Variants in TTC28 observed in about 807,000 individuals in gnomAD.
TTC28 encodes the protein tetratricopeptide repeat domain 28.
In TTC28, 61 loss-of-function variants were observed where a neutral mutation model predicts 198.0. That is an observed-to-expected ratio of 0.31 (90% CI 0.25 to 0.38). The LOEUF (loss-of-function observed/expected upper bound fraction) is 0.38, where lower values mean the gene tolerates loss of function less well. Ranked by LOEUF, TTC28 falls within the 10% of genes least tolerant of loss-of-function variation. The probability of loss-of-function intolerance (pLI) is 1.00; values close to 1 mark genes in which losing one functional copy is unlikely to be tolerated. For synonymous variants in TTC28, 1,171 were observed against 1,297.8 expected (o/e 0.90, Z 2.10); for missense variants, 2,678 against 3,164.0 (o/e 0.85, Z 3.69).
chr22:28,306,198 T>C (rs2045141738), intron 3 of TTC28, among the ~76,000 whole-genome samples: 1 of 152,156 alleles, frequency 6.6e-6, no homozygotes, highest in Admixed American at 6.6e-5. Flanking sequence ...GGTTTTTAAA[T>C]AATCCCGAAA....
intron 12 of TTC28, among the ~76,000 whole-genome samples, chr22:28,057,315 T>A (rs1225255768): frequency 6.6e-6 from 1 of 152,192 alleles, no homozygotes; most frequent in Non-Finnish European, 1.5e-5. Context: ...TTTTTAAAAT[T>A]TCATCCTTTC....
intron 2 of TTC28, among the ~76,000 whole-genome samples, chr22:28,338,371 A>G (rs2045768232): frequency 6.6e-6 from 1 of 152,036 alleles, no homozygotes; most frequent in South Asian, 2.1e-4. Context: ...TATTTCCTGA[A>G]TTTGAATATT....
intron 2 of TTC28, among the ~76,000 whole-genome samples, chr22:28,374,676 TTTTGTTTG>T (rs922528787): frequency 3.9e-5 from 6 of 152,108 alleles, no homozygotes; most frequent in African/African-American, 7.2e-5. Context: ...ATATTAAGTT[TTTTGTTTG>T]TTTGTTTGTT....
At chr22:28,578,172 ATATCT>A (rs1160477814) in intron 2 of TTC28, among the ~76,000 whole-genome samples, 4 of 152,148 alleles carry the variant, frequency 2.6e-5, no homozygotes, top group African/African-American at 9.7e-5. Context: ...CTTGCAAATA[ATATCT>A]TATAACCCAT....
chr22:28,490,358 GT>G (rs1225328648), intron 2 of TTC28, among the ~76,000 whole-genome samples: 1 of 152,106 alleles, frequency 6.6e-6, no homozygotes, highest in East Asian at 1.9e-4. Context: ...CTGCTCTGTA[GT>G]CGTCATTCAG....
intron 1 of TTC28, among the ~76,000 whole-genome samples, chr22:28,658,417 A>G (rs1305966291): frequency 6.6e-6 from 1 of 152,222 alleles, no homozygotes; most frequent in East Asian, 1.9e-4. Context: ...AAAAATCTTC[A>G]TTAAAAATTT....
intron 12 of TTC28, among the ~76,000 whole-genome samples, chr22:28,074,756 T>C (rs1424331169): frequency 6.6e-6 from 1 of 152,112 alleles, no homozygotes; most frequent in East Asian, 1.9e-4. Flanking sequence ...TCCCCCCCCA[T>C]GTACAATGGG....
At chr22:28,029,561 G>A (rs1449883352) in intron 13 of TTC28, among the ~76,000 whole-genome samples, 1 of 152,210 alleles carries the variant, frequency 6.6e-6, no homozygotes, top group Admixed American at 6.5e-5. Flanking sequence ...AACAACAGTG[G>A]GACAGGTGTC....
intron 3 of TTC28, among the ~76,000 whole-genome samples, chr22:28,298,587 C>T (rs1046623198): frequency 6.6e-6 from 1 of 151,992 alleles, no homozygotes; most frequent in Non-Finnish European, 1.5e-5. Context: ...TAGCTAGGAC[C>T]ACAGGCACAC....
chr22:28,361,901 G>T (rs1012380300), intron 2 of TTC28, among the ~76,000 whole-genome samples: 1 of 152,202 alleles, frequency 6.6e-6, no homozygotes, highest in African/African-American at 2.4e-5. Flanking sequence ...ATGCCTGAAT[G>T]ATGGCACCTC....
At chr22:28,465,232 C>A (rs1197544503) in intron 2 of TTC28, among the ~76,000 whole-genome samples, 2 of 152,074 alleles carry the variant, frequency 1.3e-5, no homozygotes, top group African/African-American at 2.4e-5. Flanking sequence ...TAAGTTAGAC[C>A]TAGATAAGGA....
intron 1 of TTC28, among the ~76,000 whole-genome samples, chr22:28,678,240 G>C (rs1452511312): frequency 6.6e-6 from 1 of 152,108 alleles, no homozygotes; most frequent in African/African-American, 2.4e-5. Flanking sequence ...TAAGAGACTG[G>C]GTTTCATTGT....
intron 5 of TTC28, among the ~76,000 whole-genome samples, chr22:28,233,130 C>T (rs1479315977): frequency 6.6e-6 from 1 of 151,516 alleles, no homozygotes; most frequent in African/African-American, 2.4e-5. Flanking sequence ...TTTTAATTTT[C>T]AATTGCTTTT....
chr22:28,118,893 G>A (rs1030426560), intron 6 of TTC28, among the ~76,000 whole-genome samples: 1 of 152,128 alleles, frequency 6.6e-6, no homozygotes, highest in African/African-American at 2.4e-5. Flanking sequence ...GATATTAGAA[G>A]TTAAATAAAT....
At chr22:28,084,539 G>A (rs567206430) in intron 12 of TTC28, among the ~76,000 whole-genome samples, 1 of 152,272 alleles carries the variant, frequency 6.6e-6, no homozygotes, top group African/African-American at 2.4e-5. Flanking sequence ...ACCAAAGGTA[G>A]ATGAAACCAC....
At chr22:28,428,826 G>C (rs2146196093) in intron 2 of TTC28, among the ~76,000 whole-genome samples, 1 of 151,698 alleles carries the variant, frequency 6.6e-6, no homozygotes, top group East Asian at 1.9e-4. Context: ...ATCTTTAGTA[G>C]AGGCGGGGTT....
chr22:28,080,077 A>T (rs989427456), intron 12 of TTC28, among the ~76,000 whole-genome samples: 1 of 152,112 alleles, frequency 6.6e-6, no homozygotes, highest in African/African-American at 2.4e-5. Context: ...TATACACCAC[A>T]TTTTTAAAAT....
chr22:28,539,405 TG>T (rs1160897800), intron 2 of TTC28, among the ~76,000 whole-genome samples: 1 of 151,962 alleles, frequency 6.6e-6, no homozygotes, highest in Admixed American at 6.6e-5. Context: ...GAGGCCAAGG[TG>T]GGTGGATCGC....
intron 2 of TTC28, among the ~76,000 whole-genome samples, chr22:28,579,438 T>C (rs2050200675): frequency 6.7e-6 from 1 of 148,874 alleles, no homozygotes; most frequent in African/African-American, 2.5e-5. Context: ...ATATAGTGTA[T>C]ATATACGTAT....
Sources: gnomAD v4.1 joint callset for allele counts (sites outside exome capture counted in the v4.1 genomes callset) on GRCh38, gnomAD v4.1.1 for gene constraint, MANE v1.5 for transcripts, NCBI Gene and HGNC (gene_info 2026-07-23, HGNC 2026-07-21) for gene names.